Variants in ANK2 observed in about 807,000 individuals in gnomAD.
ANK2 encodes the protein ankyrin-2.
ANK2 carries 83 observed loss-of-function variants against 360.5 expected under a neutral mutation model. That is an observed-to-expected ratio of 0.23 (90% CI 0.19 to 0.28). ANK2 has a LOEUF of 0.28. Among genes scored for constraint, ANK2 ranks in the 10% least tolerant of loss-of-function variants. The pLI, the probability that ANK2 is intolerant of heterozygous loss-of-function variation, is 1.00. For synonymous variants in ANK2, 1,740 were observed against 1,759.5 expected, an observed-to-expected ratio of 0.99 and a Z score of 0.28; for missense variants, 4,201 against 4,795.7, an observed-to-expected ratio of 0.88 and a Z score of 3.66.
chr4:112,913,773 TATAAC>T (rs1267575383), intron 2 of ANK2, among the ~76,000 whole-genome samples: 1 of 152,192 alleles, frequency 6.6e-6, no homozygotes, highest in Admixed American at 6.5e-5. Flanking sequence ...ATAGAGAAGT[TATAAC>T]ATAGTGCATG....
the ANK2 span, among the ~76,000 whole-genome samples, chr4:112,804,728 G>A: frequency 6.6e-6 from 1 of 152,216 alleles, no homozygotes; most frequent in Non-Finnish European, 1.5e-5. Context: ...ATGTGAGGCA[G>A]GAGATTGCTT....
chr4:113,250,697 A>G (rs914484434), intron 10 of ANK2, among the ~76,000 whole-genome samples: 2 of 147,566 alleles, frequency 1.4e-5, no homozygotes, highest in Non-Finnish European at 3.0e-5. Context: ...TACAACACAA[A>G]GTTAGACAAA....
At chr4:112,814,387 G>C (rs919171540), upstream of ANK2, among the ~76,000 whole-genome samples, 1 of 152,096 alleles carries the variant, frequency 6.6e-6, no homozygotes, top group Non-Finnish European at 1.5e-5. Flanking sequence ...TAGAGGCCAT[G>C]ATGAGGAGTT....
At chr4:112,737,077 G>A in the ANK2 span, among the ~76,000 whole-genome samples, 1 of 152,176 alleles carries the variant, frequency 6.6e-6, no homozygotes, top group African/African-American at 2.4e-5. Flanking sequence ...TGCTCAGTGT[G>A]TGACTTTGGC....
At chr4:113,329,645 T>G (rs1588339073) in intron 26 of ANK2, among the ~76,000 whole-genome samples, 1 of 152,316 alleles carries the variant, frequency 6.6e-6, no homozygotes, top group Non-Finnish European at 1.5e-5. Flanking sequence ...GAGAGATTCC[T>G]ACTCAATAAG....
intron 15 of ANK2, among the ~76,000 whole-genome samples, chr4:113,275,018 A>G (rs1048213982): frequency 6.6e-6 from 1 of 152,216 alleles, no homozygotes; most frequent in Non-Finnish European, 1.5e-5. Context: ...AGGGTACTGC[A>G]TTAGATTGGC....
chr4:112,795,032 A>G, the ANK2 span, among the ~76,000 whole-genome samples: 15 of 152,374 alleles, frequency 9.8e-5, 1 homozygote, highest in South Asian at 2.9e-3. Flanking sequence ...TACATGCTGC[A>G]TAATTTTTAA....
chr4:113,067,039 GT>G (rs1358685434), intron 1 of ANK2, among the ~76,000 whole-genome samples: 8 of 151,980 alleles, frequency 5.3e-5, no homozygotes, highest in African/African-American at 1.9e-4. Flanking sequence ...GCATTGGCAG[GT>G]GTAAGATGAC....
At chr4:113,311,420 T>C (rs374270640) in intron 24 of ANK2, 21 bp downstream of exon 24, 118 of 1,613,652 alleles carry the variant, frequency 7.3e-5, no homozygotes, top group Middle Eastern at 1.6e-4. Flanking sequence ...AAACTTATAA[T>C]TGATGTCAGC....
chr4:113,176,973 T>A (rs1231227787), intron 2 of ANK2, among the ~76,000 whole-genome samples: 2 of 152,252 alleles, frequency 1.3e-5, no homozygotes, highest in African/African-American at 2.4e-5. Flanking sequence ...TCCTTTTTTA[T>A]GGCTGCATAG....
chr4:113,278,571 G>A lies in ANK2; in HGVS notation c.1881+13G>A. 2.5e-6 allele frequency: 4 copies of A among 1,612,396 alleles called. No homozygotes were observed. Among genetic ancestry groups the A allele is most frequent in the Non-Finnish European group, 3.4e-6 (4 of 1,178,502 alleles). On this transcript the variant is annotated intron_variant, in intron 17 of 45. Coordinates refer to ENST00000357077, the MANE Select transcript of ANK2 (RefSeq NM_001148.6). ...TGCCACTGCCAAGGTGAGGACCACAGAAAAGGATTTACAGGCATAGGGTGT... is the reference window on the plus strand; with the variant it reads ...TGCCACTGCCAAGGTGAGGACCACAAAAAAGGATTTACAGGCATAGGGTGT...
chr4:113,318,422 A>G, intron 25 of ANK2, 95 bp from the exon 26 acceptor site: 1 of 987,574 alleles, frequency 1.0e-6, no homozygotes, highest in South Asian at 1.4e-5. Context: ...TCTAGGTTAT[A>G]CCACTTTCCA....
chr4:112,739,832 C>A, the ANK2 span, among the ~76,000 whole-genome samples: 1 of 151,832 alleles, frequency 6.6e-6, no homozygotes, highest in African/African-American at 2.4e-5. Context: ...GGCAACATGG[C>A]GAAAACCCAT....
At chr4:113,178,271 T>A (rs1251440096) in intron 2 of ANK2, among the ~76,000 whole-genome samples, 1 of 151,128 alleles carries the variant, frequency 6.6e-6, no homozygotes, top group Non-Finnish European at 1.5e-5. Context: ...CTTAAAAAAA[T>A]AAATAAATAA....
In ANK2 at chr4:113,070,927, T is replaced by A. The variant is rs565419655; in HGVS notation, c.84+21115T>A. On this transcript the variant is annotated intron_variant, in intron 1 of 45. Coordinates refer to ENST00000357077, the MANE Select transcript of ANK2 (RefSeq NM_001148.6). ...TTGTGTTTAGTTGCTTAGTAAATCCTTAGTATCCATCATAACATCAAATCT... is the reference window on the plus strand; with the variant it reads ...TTGTGTTTAGTTGCTTAGTAAATCCATAGTATCCATCATAACATCAAATCT... 3.9e-5 allele frequency among the ~76,000 whole-genome samples: 6 copies of A among 152,032 alleles called. No individual in the cohort carries two copies. The South Asian group carries it at 1.2e-3, about 32-fold the overall frequency.
At chr4:113,046,966 A>G (rs754608624), upstream of ANK2, among the ~76,000 whole-genome samples, 6 of 152,236 alleles carry the variant, frequency 3.9e-5, no homozygotes, top group Non-Finnish European at 7.3e-5. Flanking sequence ...CAATGATTCT[A>G]TTACTAATTG....
chr4:112,737,860 G>A, the ANK2 span, among the ~76,000 whole-genome samples: 410 of 152,218 alleles, frequency 2.7e-3, 2 homozygotes, highest in African/African-American at 9.5e-3. Flanking sequence ...CCTGGAACTG[G>A]CACAGGACAA....
intron 23 of ANK2, among the ~76,000 whole-genome samples, chr4:113,303,189 CT>C (rs2075776129): frequency 6.6e-6 from 1 of 151,950 alleles, no homozygotes; most frequent in Non-Finnish European, 1.5e-5. Context: ...GTTAAAAAAT[CT>C]TTTTTTATTC....
intron 1 of ANK2, among the ~76,000 whole-genome samples, chr4:112,848,583 T>C (rs986573056): frequency 2.6e-5 from 4 of 152,188 alleles, no homozygotes; most frequent in African/African-American, 9.6e-5. Context: ...TTTGTGTGAG[T>C]ACAAGAAAAA....
Sources: gnomAD v4.1 joint callset for allele counts (sites outside exome capture counted in the v4.1 genomes callset) on GRCh38, gnomAD v4.1.1 for gene constraint, MANE v1.5 for transcripts, NCBI Gene and HGNC (gene_info 2026-07-23, HGNC 2026-07-21) for gene names.